The following ATP13A4 variants were observed in gnomAD, a reference collection of about 807,000 sequenced individuals.
ATP13A4 encodes the protein probable cation-transporting ATPase 13A4.
ATP13A4 carries 114 observed loss-of-function variants against 142.5 expected under a neutral mutation model. The observed-to-expected ratio is 0.80, with a 90% CI of 0.69 to 0.93. The LOEUF (loss-of-function observed/expected upper bound fraction) is 0.93, where lower values mean the gene tolerates loss of function less well. ATP13A4 is among the 40% of genes least tolerant of loss of function. The probability of loss-of-function intolerance (pLI) is 0.00; values close to 1 mark genes in which losing one functional copy is unlikely to be tolerated. For missense variants in ATP13A4, 1,392 were observed against 1,454.0 expected (o/e 0.96, Z 0.69); for synonymous variants, 488 against 514.8 (o/e 0.95, Z 0.70).
intron 2 of ATP13A4, among the ~76,000 whole-genome samples, chr3:193,504,295 T>C (rs1720738414): frequency 6.6e-6 from 1 of 152,156 alleles, no homozygotes; most frequent in East Asian, 1.9e-4. Flanking sequence ...GGTCTAGGTA[T>C]GGTAGAGTAG....
upstream of ATP13A4, among the ~76,000 whole-genome samples, chr3:193,558,387 T>C (rs1408050238): frequency 6.6e-6 from 1 of 152,236 alleles, no homozygotes; most frequent in Non-Finnish European, 1.5e-5. Flanking sequence ...GTGGTCTGAA[T>C]TCTAATCTTG....
chr3:193,492,370 T>C (rs769514054), intron 5 of ATP13A4, among the ~76,000 whole-genome samples: 5 of 152,138 alleles, frequency 3.3e-5, no homozygotes, highest in Non-Finnish European at 7.4e-5. Context: ...GCCCACAGAC[T>C]CTTGACATAC....
intron 2 of ATP13A4, among the ~76,000 whole-genome samples, chr3:193,574,473 C>T (rs555299475): frequency 3.3e-5 from 5 of 152,338 alleles, no homozygotes; most frequent in African/African-American, 1.2e-4. Flanking sequence ...AATCCCAGCA[C>T]TTTGGGAGGT....
chr3:193,449,792 A>G (rs1356103971), intron 17 of ATP13A4, among the ~76,000 whole-genome samples: 2 of 152,174 alleles, frequency 1.3e-5, no homozygotes, highest in Admixed American at 1.3e-4. Flanking sequence ...TGAGCCTTAT[A>G]CCACGTCCCC....
Position 193,482,254 on chromosome 3 carries a change from C to A in ATP13A4, c.808+1682G>T, listed in dbSNP as rs76065831. 6.5e-3 allele frequency among the ~76,000 whole-genome samples: 982 copies of A among 151,928 alleles called. 16 individuals carry two copies. The East Asian group carries it at 0.079, about 12-fold the overall frequency. On this transcript the variant is annotated intron_variant, in intron 8 of 29. Coordinates refer to ENST00000342695, the MANE Select transcript of ATP13A4 (RefSeq NM_032279.4). ...TTGGATATCTGTTTGCAAAAGATGACCCTCAATCGAAAAAAAACAAAAACA... is the reference window on the plus strand; with the variant it reads ...TTGGATATCTGTTTGCAAAAGATGAACCTCAATCGAAAAAAAACAAAAACA...
intron 17 of ATP13A4, among the ~76,000 whole-genome samples, chr3:193,453,047 C>A (rs111708942): frequency 2.0e-5 from 3 of 151,964 alleles, no homozygotes; most frequent in African/African-American, 7.3e-5. Flanking sequence ...ACATAACACA[C>A]CTGTATCAGT....
At chr3:193,403,321 C>G (rs1020989374) in intron 29 of ATP13A4, among the ~76,000 whole-genome samples, 1 of 152,176 alleles carries the variant, frequency 6.6e-6, no homozygotes, top group African/African-American at 2.4e-5. Flanking sequence ...CCTGACATAT[C>G]ACTGCATATT....
intron 1 of ATP13A4, among the ~76,000 whole-genome samples, chr3:193,588,057 C>T (rs749073292): frequency 2.0e-5 from 3 of 152,064 alleles, no homozygotes; most frequent in Non-Finnish European, 4.4e-5. Context: ...CACTTGAGCC[C>T]AGGAGTTCGA....
intron 1 of ATP13A4, among the ~76,000 whole-genome samples, chr3:193,523,866 T>G (rs1721860292): frequency 6.6e-6 from 1 of 152,098 alleles, no homozygotes. Flanking sequence ...AATAGATGAA[T>G]GCCCTCTCAG....
chr3:193,584,305 G>C (rs1724628647), intron 1 of ATP13A4, among the ~76,000 whole-genome samples: 1 of 152,166 alleles, frequency 6.6e-6, no homozygotes, highest in African/African-American at 2.4e-5. Flanking sequence ...TGCTGGCTTT[G>C]AAGATGGAAA....
intron 1 of ATP13A4, among the ~76,000 whole-genome samples, chr3:193,550,628 G>A (rs1239075694): frequency 6.6e-6 from 1 of 152,106 alleles, no homozygotes; most frequent in Non-Finnish European, 1.5e-5. Flanking sequence ...TGACATGTCT[G>A]GTGGTAAACT....
chr3:193,455,347 A>C (rs1717545290), intron 16 of ATP13A4, among the ~76,000 whole-genome samples: 1 of 150,986 alleles, frequency 6.6e-6, no homozygotes, highest in Admixed American at 6.6e-5. Flanking sequence ...TCTCAAAAAA[A>C]AAAAAAAAAA....
intron 8 of ATP13A4, among the ~76,000 whole-genome samples, chr3:193,474,793 G>C (rs1017971): frequency 6.6e-6 from 1 of 151,308 alleles, no homozygotes; most frequent in Non-Finnish European, 1.5e-5. Flanking sequence ...GAGAAAAGGA[G>C]TACATGAAAG....
intron 1 of ATP13A4, among the ~76,000 whole-genome samples, chr3:193,586,055 TAAA>T (rs781551797): frequency 2.4e-4 from 35 of 147,262 alleles, no homozygotes; most frequent in African/African-American, 8.9e-4. Context: ...AATATGTATA[TAAA>T]ATATATATAT....
intron 14 of ATP13A4, 31 bp from the exon 15 acceptor site, chr3:193,457,496 A>G (rs1560201167): frequency 6.3e-7 from 1 of 1,593,208 alleles, no homozygotes; most frequent in Non-Finnish European, 8.6e-7. Flanking sequence ...TTCATTGCAG[A>G]GATTTATTTA....
At chr3:193,510,720 C>A (rs760398846) in intron 2 of ATP13A4, among the ~76,000 whole-genome samples, 2 of 151,692 alleles carry the variant, frequency 1.3e-5, no homozygotes, top group African/African-American at 2.4e-5. Flanking sequence ...AGTACATCAC[C>A]GTCTTTTTTT....
intron 26 of ATP13A4, 139 bp downstream of exon 26, chr3:193,414,440 A>G: frequency 1.3e-6 from 1 of 794,940 alleles, no homozygotes; most frequent in Non-Finnish European, 2.1e-6. Flanking sequence ...AGAAATAATC[A>G]CTGAAAATTT....
upstream of ATP13A4, among the ~76,000 whole-genome samples, chr3:193,557,286 T>C (rs997770753): frequency 9.9e-5 from 15 of 152,210 alleles, no homozygotes; most frequent in African/African-American, 3.6e-4. Flanking sequence ...ACTCCAGTAG[T>C]GAGAGAGTTT....
chr3:193,439,586 T>A (rs909702779), intron 21 of ATP13A4, among the ~76,000 whole-genome samples: 5 of 152,220 alleles, frequency 3.3e-5, no homozygotes, highest in Non-Finnish European at 7.3e-5. Context: ...ATCCATCCTG[T>A]CAACAGTCAC....
Sources: allele counts gnomAD v4.1 joint callset (sites outside exome capture counted in the v4.1 genomes callset), GRCh38; gene constraint gnomAD v4.1.1; transcripts MANE v1.5; gene names NCBI Gene and HGNC (gene_info 2026-07-23, HGNC 2026-07-21).